TNFAIP3: variants seen among roughly 807,000 people sequenced by gnomAD.
TNFAIP3 encodes tumor necrosis factor alpha-induced protein 3.
Under a neutral mutation model 72.4 loss-of-function variants are expected in TNFAIP3, and 9 were observed. The ratio of observed to expected loss-of-function variants is 0.12; its 90% CI spans 0.07 to 0.22. The LOEUF is 0.22. Ranked by LOEUF, TNFAIP3 falls within the 10% of genes least tolerant of loss-of-function variation. TNFAIP3 has a pLI of 1.00. For missense variants in TNFAIP3, 833 were observed against 1,018.7 expected, an observed-to-expected ratio of 0.82 and a Z score of 2.48; for synonymous variants, 339 against 372.6, an observed-to-expected ratio of 0.91 and a Z score of 1.04.
chr6:137,877,779 T>C (rs1776298412), intron 6 of TNFAIP3, among the ~76,000 whole-genome samples: 1 of 152,204 alleles, frequency 6.6e-6, no homozygotes. Context: ...TCTTTAAACA[T>C]TGGCTTTATG....
At chr6:137,870,019 A>G (rs1169709452) in intron 1 of TNFAIP3, among the ~76,000 whole-genome samples, 1 of 152,212 alleles carries the variant, frequency 6.6e-6, no homozygotes, top group Non-Finnish European at 1.5e-5. Context: ...TGGGTTGTAG[A>G]TGCTGGTCTT....
intron 5 of TNFAIP3, among the ~76,000 whole-genome samples, chr6:137,876,516 GCTCATTGCAGC>G (rs577827191): frequency 7.4e-4 from 112 of 152,234 alleles, no homozygotes; most frequent in African/African-American, 2.7e-3. Context: ...CACAATCATG[GCTCATTGCAGC>G]CTCCACCCCC....
chr6:137,879,483 C>T (rs1482059343), intron 7 of TNFAIP3, 132 bp downstream of exon 7: 18 of 1,105,752 alleles, frequency 1.6e-5, no homozygotes, highest in South Asian at 1.1e-4. Flanking sequence ...TTTCTACCAG[C>T]TTGTGCAGGG....
At position 137,875,055 on chromosome 6, in the gene TNFAIP3, T is replaced by C. The variant is rs1307038905; in HGVS notation, c.486+20T>C. The C allele has an allele frequency of 2.5e-6, 4 of 1,613,410 alleles. No individual in the cohort carries two copies. Among genetic ancestry groups the C allele is most frequent in the Non-Finnish European group, 3.4e-6 (4 of 1,179,778 alleles). ...ACTCGGGTAGGTTTTTCCCCCTAAT[T>C]ATCTACTAACAGAGCTCCATGGTGG... On this transcript the variant is annotated intron_variant, in intron 3 of 8. Coordinates refer to ENST00000612899, the MANE Select transcript of TNFAIP3 (RefSeq NM_001270508.2).
Position 137,881,704 on chromosome 6 carries a change from C to T in TNFAIP3, c.*385C>T, listed in dbSNP as rs77191406. On this transcript the variant is annotated 3_prime_UTR_variant, in exon 9 of 9. Transcript: ENST00000612899. This position sits in a 1 kb window ranked among gnomAD's most constrained non-coding sequence, Gnocchi z 5.0. ...TGAGAAAGGGAAAAGACACACAAGT[C>T]GCGTGGGTTGGAGAAGCCAGAGCCA... 527 of 250,212 alleles carry T rather than the reference C, an allele frequency of 2.1e-3. 7 individuals are homozygous for T. In the East Asian group the frequency reaches 0.03, roughly 14 times the overall value. 15.5% of individuals were successfully genotyped at this position (250,212 alleles called of 1,614,324 possible).
Position 137,879,218 on chromosome 6 carries a change from G to C in TNFAIP3, c.1773G>C (p.Leu591=). The change falls in exon 7 of 9, where the codon CTG becomes CTC. Residue 591 remains leucine (L), a synonymous_variant. Transcript: ENST00000612899. ...RAGNDAPAGC[L]SQAARTPGDR... Reference sequence around the variant, plus strand: ...GAAACGACGCCCCTGCTGGCTGCCTGTCTCAAGCTGCACGGACTCCTGGGG... The same window carrying C: ...GAAACGACGCCCCTGCTGGCTGCCTCTCTCAAGCTGCACGGACTCCTGGGG... 6.2e-7 allele frequency: 1 copy of C among 1,614,186 alleles called. No individual in the cohort carries two copies. Among genetic ancestry groups the C allele is most frequent in the Non-Finnish European group, 8.5e-7 (1 of 1,180,038 alleles).
chr6:137,876,810 G>A (rs534383460), intron 5 of TNFAIP3, among the ~76,000 whole-genome samples: 1 of 152,236 alleles, frequency 6.6e-6, no homozygotes, highest in South Asian at 2.1e-4. Flanking sequence ...TTCAAACTCA[G>A]GTCAGTCTGA....
chr6:137,869,679 C>G (rs5029931), intron 1 of TNFAIP3, among the ~76,000 whole-genome samples: 8,259 of 152,188 alleles, frequency 0.054, 286 homozygotes, highest in African/African-American at 0.086. Context: ...ATCTCAACAC[C>G]TTATCAATGG....
At position 137,877,122 on chromosome 6, in the gene TNFAIP3, A is replaced by G; in HGVS notation, c.852A>G (p.Glu284=). 1 of 1,613,210 alleles carries G rather than the reference A, an allele frequency of 6.2e-7. No homozygotes were observed. The highest frequency in any genetic ancestry group is 1.1e-5 in the South Asian group (1 of 90,868). Reference sequence around the variant, plus strand: ...TTAACAGAGACCGGGGAAGATTTGAAGACTTAAAAGTTCACTTTTTGACAG... The same window carrying G: ...TTAACAGAGACCGGGGAAGATTTGAGGACTTAAAAGTTCACTTTTTGACAG... ...PLVNRDRGRF[E]DLKVHFLTDP... Residue 284 remains glutamate (E), a synonymous_variant, in exon 6 of 9, where the codon GAA becomes GAG. Transcript: ENST00000612899.
At chr6:137,872,508 CTTAA>C (rs1195451669) in intron 2 of TNFAIP3, among the ~76,000 whole-genome samples, 2 of 152,212 alleles carry the variant, frequency 1.3e-5, no homozygotes, top group Non-Finnish European at 2.9e-5. Flanking sequence ...AGAACACTAA[CTTAA>C]TTAACTTCAT....
intron 1 of TNFAIP3, among the ~76,000 whole-genome samples, chr6:137,868,589 G>A (rs1775923323): frequency 6.6e-6 from 1 of 151,844 alleles, no homozygotes; most frequent in South Asian, 2.1e-4. Context: ...GCCCAGAGTG[G>A]AAAAATAAAA....
In TNFAIP3 at chr6:137,871,277, A is replaced by C; in HGVS notation, c.50A>C (p.Lys17Thr). ...GCTTTGTATTTGAGCAATATGCGGAAAGCTGTGAAGATACGGGAGAGAACT... is the reference window on the plus strand; with the variant it reads ...GCTTTGTATTTGAGCAATATGCGGACAGCTGTGAAGATACGGGAGAGAACT... ...PQALYLSNMR[K>T]AVKIRERTPE... The change falls in exon 2 of 9, where the codon AAA becomes ACA. Residue 17 changes from lysine to threonine, a missense_variant. By Grantham distance (78) the Lys-to-Thr change is moderately conservative. Transcript: ENST00000612899. The surrounding 1 kb of genome is among the most constrained non-coding windows in gnomAD (Gnocchi z 4.2). The C allele has an allele frequency of 6.2e-7, 1 of 1,614,116 alleles. No individual in the cohort carries two copies. The highest frequency in any genetic ancestry group is 8.5e-7 in the Non-Finnish European group (1 of 1,180,002).
In TNFAIP3 at chr6:137,875,028, A is replaced by T. The variant is rs1442226683; in HGVS notation, c.479A>T (p.Asp160Val). ...TTTGTTGAAACGGGGCTTTGCTATG[A>T]TACTCGGGTAGGTTTTTCCCCCTAA... is the stretch of plus-strand genomic sequence containing the variant. ...QEFVETGLCY[D>V]TRNWNDEWDN... Residue 160 changes from aspartate to valine, a missense_variant, in exon 3 of 9, where the codon GAT becomes GTT. Coordinates refer to ENST00000612899, the MANE Select transcript of TNFAIP3 (RefSeq NM_001270508.2). The T allele has an allele frequency of 6.2e-7, 1 of 1,613,952 alleles. No homozygotes were observed. Among genetic ancestry groups the T allele is most frequent in the Non-Finnish European group, 8.5e-7 (1 of 1,180,028 alleles).
Position 137,871,730 on chromosome 6 carries a change from T to C in TNFAIP3, c.295+208T>C, listed in dbSNP as rs1179316809. ...ATTTATTAAGGATATTTTCTGATTG[T>C]GTATATTGCAGAGCACATTGAGGCT... is the stretch of plus-strand genomic sequence containing the variant. On this transcript the variant is annotated intron_variant, in intron 2 of 8. Transcript: ENST00000612899. The surrounding 1 kb of genome is among the most constrained non-coding windows in gnomAD (Gnocchi z 4.2). Among the ~76,000 whole-genome samples, 1 of 152,244 alleles carries C rather than the reference T, an allele frequency of 6.6e-6. No individual in the cohort carries two copies. Among genetic ancestry groups the C allele is most frequent in the Non-Finnish European group, 1.5e-5 (1 of 68,040 alleles).
rs1776461307 is a variant in TNFAIP3 at position 137,881,450 on chromosome 6, A to G, written c.*131A>G. The G allele has an allele frequency of 1.2e-6, 1 of 836,290 alleles. No homozygotes were observed. The highest frequency in any genetic ancestry group is 2.3e-5 in the South Asian group (1 of 42,782). The allele number at this position is 836,290 out of a possible 1,614,324, so 51.8% of individuals were successfully genotyped here. On this transcript the variant is annotated 3_prime_UTR_variant, in exon 9 of 9. Coordinates refer to ENST00000612899, the MANE Select transcript of TNFAIP3 (RefSeq NM_001270508.2). This position sits in a 1 kb window ranked among gnomAD's most constrained non-coding sequence, Gnocchi z 5.0. The stretch of plus-strand genomic sequence containing the variant: ...AGGGTGTCTGAGCAGGAGAGGAAAG[A>G]TAAGCTCTTCGTGGTGCCCACGATG...
In TNFAIP3 at chr6:137,882,238, T is replaced by G; in HGVS notation, c.*919T>G. The G allele has an allele frequency of 4.3e-6, 1 of 232,352 alleles. No homozygotes were observed. Among genetic ancestry groups the G allele is most frequent in the Non-Finnish European group, 8.5e-6 (1 of 117,390 alleles). 14.4% of individuals were successfully genotyped at this position (232,352 alleles called of 1,614,324 possible). A position where few individuals can be genotyped will look rare whatever the true frequency, so the allele number is the denominator to read the frequency against. On this transcript the variant is annotated 3_prime_UTR_variant, in exon 9 of 9. Transcript: ENST00000612899. Reference sequence around the variant, plus strand: ...TGTTGTTGGGGCATGAGCTTGTGTATACACTGCTTGCATAAACTCAACCAG... The same window carrying G: ...TGTTGTTGGGGCATGAGCTTGTGTAGACACTGCTTGCATAAACTCAACCAG...
At chr6:137,876,988 C>A in intron 5 of TNFAIP3, 88 bp from the exon 6 acceptor site, 3 of 1,106,532 alleles carry the variant, frequency 2.7e-6, no homozygotes, top group Non-Finnish European at 3.8e-6. Context: ...TAAGTTATAT[C>A]TTTTATACAT....
In TNFAIP3 at chr6:137,878,915, G is replaced by T. The variant is rs774874490; in HGVS notation, c.1470G>T (p.Gln490His). 2 of 1,614,070 alleles carry T rather than the reference G, an allele frequency of 1.2e-6. No homozygotes were observed. Among genetic ancestry groups the T allele is most frequent in the Non-Finnish European group, 8.5e-7 (1 of 1,180,032 alleles). Residue 490 changes from glutamine (Q) to histidine (H), a missense_variant, in exon 7 of 9, where the codon CAG (glutamine) becomes CAT (histidine). Gln to His is a conservative substitution (Grantham distance 24). Coordinates refer to ENST00000612899, the MANE Select transcript of TNFAIP3 (RefSeq NM_001270508.2). ...GCTGCCCCTTCACACTGAATGTGCA[G>T]CACAACGGATTTTGTGAACGTTGCC... ...SPGCPFTLNV[Q>H]HNGFCERCHN...
chr6:137,880,953 T>G (rs1776430655), intron 8 of TNFAIP3, 82 bp from the exon 9 acceptor site: 2,270 of 1,434,760 alleles, frequency 1.6e-3, no homozygotes, highest in Non-Finnish European at 2.0e-3. Flanking sequence ...CACTCTCCAA[T>G]GAGATTTCAT....
Sources: gnomAD v4.1 joint callset for allele counts (sites outside exome capture counted in the v4.1 genomes callset) on GRCh38, gnomAD v4.1.1 for gene constraint, Gnocchi (gnomAD v3.1) non-coding constraint, MANE v1.5 for transcripts, NCBI Gene and HGNC (gene_info 2026-07-23, HGNC 2026-07-21) for gene names.